The following ADAMTSL1 variants were observed in gnomAD, a reference collection of about 807,000 sequenced individuals.
The protein encoded by ADAMTSL1 is ADAMTS-like protein 1.
ADAMTSL1 carries 126 observed loss-of-function variants against 201.8 expected under a neutral mutation model. That is an observed-to-expected ratio of 0.62 (90% CI 0.54 to 0.72). The LOEUF is 0.72. ADAMTSL1 is among the 30% of genes least tolerant of loss of function. ADAMTSL1 has a pLI of 0.00. For synonymous variants in ADAMTSL1, 1,121 were observed against 903.4 expected (o/e 1.24, Z -4.32); for missense variants, 2,679 against 2,277.8 (o/e 1.18, Z -3.59).
chr9:18,073,534 T>C (rs1276940218), intron 1 of ADAMTSL1, among the ~76,000 whole-genome samples: 1 of 152,090 alleles, frequency 6.6e-6, no homozygotes, highest in African/African-American at 2.4e-5. Context: ...GGCCTTTGGG[T>C]GGGGTCCATT....
intron 1 of ADAMTSL1, among the ~76,000 whole-genome samples, chr9:18,125,639 G>A (rs372301386): frequency 6.6e-6 from 1 of 152,214 alleles, no homozygotes; most frequent in African/African-American, 2.4e-5. Context: ...TCTTTTGCAT[G>A]TGGACCTCTA....
intron 1 of ADAMTSL1, among the ~76,000 whole-genome samples, chr9:18,063,990 T>G (rs1822581315): frequency 6.6e-6 from 1 of 152,020 alleles, no homozygotes; most frequent in African/African-American, 2.4e-5. Context: ...CTCCCTTCTC[T>G]CCCCTCATTC....
intron 21 of ADAMTSL1, among the ~76,000 whole-genome samples, chr9:18,821,928 G>A (rs2131212645): frequency 6.6e-6 from 1 of 152,208 alleles, no homozygotes; most frequent in East Asian, 1.9e-4. Context: ...ACCCTACCTG[G>A]CAGCTCCATG....
rs1395250712 is a variant in ADAMTSL1, at chr9:18,884,271, T to TTTG, written c.4250-3557_4250-3555dup. ...TTGGGCATTTGCCTGAACCGGGTTG[T>TTTG]TTGTTAGTTATCAAATTTTAAGAGT... On this transcript the variant is annotated intron_variant, in intron 23 of 28. Transcript: ENST00000380548. Among the ~76,000 whole-genome samples the TTTG allele has an allele frequency of 2.0e-5, 3 of 152,182 alleles. No individual in the cohort carries two copies. The East Asian group carries it at 5.8e-4, about 29-fold the overall frequency.
In ADAMTSL1 at chr9:18,675,867, A is replaced by G; in HGVS notation, c.1096A>G (p.Lys366Glu). 1.9e-6 allele frequency: 3 copies of G among 1,613,264 alleles called. No individual in the cohort carries two copies. Among genetic ancestry groups the G allele is most frequent in the South Asian group, 1.1e-5 (1 of 91,052 alleles). ...TATTGTTCCTAACAGTGACGGATAC[A>G]AGCAGATCATGCCTTATGACCTCTA... ...LDPCPASDGY[K>E]QIMPYDLYHP... is the part of the protein sequence containing the mutation. The change falls in exon 10 of 29, where the codon AAG becomes GAG. Residue 366 changes from lysine to glutamate, a missense_variant. Transcript: ENST00000380548.
At chr9:18,447,961 A>C (rs1563966736) in intron 2 of ADAMTSL1, among the ~76,000 whole-genome samples, 2 of 152,172 alleles carry the variant, frequency 1.3e-5, no homozygotes, top group Admixed American at 6.5e-5. Context: ...AAGCTTTGAA[A>C]ACTTTGGAAA....
intron 3 of ADAMTSL1, among the ~76,000 whole-genome samples, chr9:18,537,747 A>T (rs1353245153): frequency 6.6e-6 from 1 of 151,808 alleles, no homozygotes; most frequent in African/African-American, 2.4e-5. Flanking sequence ...GCTGGTGTGC[A>T]CCTGTTGTCC....
At chr9:17,992,545 G>A (rs76284893) in intron 1 of ADAMTSL1, among the ~76,000 whole-genome samples, 1,823 of 152,204 alleles carry the variant, frequency 0.012, 46 homozygotes, top group African/African-American at 0.042. Context: ...AGGAGACTGA[G>A]GTCGGGGGAT....
At chr9:18,139,001 A>G (rs760547521) in intron 1 of ADAMTSL1, among the ~76,000 whole-genome samples, 5 of 152,132 alleles carry the variant, frequency 3.3e-5, no homozygotes, top group African/African-American at 9.7e-5. Context: ...GTCTGCCACT[A>G]AGGAACCTTG....
intron 23 of ADAMTSL1, among the ~76,000 whole-genome samples, chr9:18,851,920 G>C (rs372212606): frequency 2.8e-4 from 42 of 152,340 alleles, no homozygotes; most frequent in African/African-American, 8.9e-4. Flanking sequence ...CTGATCACCA[G>C]CTTCAGGTGT....
intron 1 of ADAMTSL1, among the ~76,000 whole-genome samples, chr9:18,087,901 G>C (rs962943513): frequency 1.5e-4 from 23 of 152,046 alleles, no homozygotes; most frequent in African/African-American, 4.8e-4. Flanking sequence ...GCCTATCTCA[G>C]GAATTTCAAT....
At chr9:18,126,030 C>A (rs753350969) in intron 1 of ADAMTSL1, among the ~76,000 whole-genome samples, 1 of 152,162 alleles carries the variant, frequency 6.6e-6, no homozygotes, top group South Asian at 2.1e-4. Context: ...ACGTACCTGC[C>A]ACCAAAACCT....
At chr9:18,101,989 A>T (rs1216329102) in intron 1 of ADAMTSL1, among the ~76,000 whole-genome samples, 1 of 152,204 alleles carries the variant, frequency 6.6e-6, no homozygotes. Context: ...GGGCAAGGAC[A>T]GAAATTTTCA....
chr9:17,994,376 GAC>G (rs1819288911), intron 1 of ADAMTSL1, among the ~76,000 whole-genome samples: 1 of 152,052 alleles, frequency 6.6e-6, no homozygotes, highest in African/African-American at 2.4e-5. Context: ...AGAAAATGCT[GAC>G]AAGAGAGACC....
intron 2 of ADAMTSL1, among the ~76,000 whole-genome samples, chr9:18,360,306 A>C (rs1020275570): frequency 6.6e-6 from 1 of 152,192 alleles, no homozygotes; most frequent in Non-Finnish European, 1.5e-5. Context: ...CTACACAAAA[A>C]CATGTTGAAG....
intron 1 of ADAMTSL1, among the ~76,000 whole-genome samples, chr9:18,127,590 G>A (rs1439312892): frequency 6.6e-6 from 1 of 152,080 alleles, no homozygotes; most frequent in African/African-American, 2.4e-5. Context: ...CTAGCTTGGT[G>A]GGCTTGAAAA....
intron 3 of ADAMTSL1, among the ~76,000 whole-genome samples, chr9:18,538,772 G>T (rs769092392): frequency 6.6e-6 from 1 of 152,068 alleles, no homozygotes; most frequent in Admixed American, 6.6e-5. Context: ...ATTCCCATTT[G>T]GTCTATTTGT....
At chr9:18,387,978 G>A (rs1317563799) in intron 2 of ADAMTSL1, among the ~76,000 whole-genome samples, 2 of 128,794 alleles carry the variant, frequency 1.6e-5, no homozygotes, top group Non-Finnish European at 3.8e-5. Context: ...CAAAATTGCT[G>A]TACCTTTCTG....
chr9:18,824,403 G>A (rs1007549200), intron 21 of ADAMTSL1, among the ~76,000 whole-genome samples: 5 of 152,190 alleles, frequency 3.3e-5, no homozygotes, highest in African/African-American at 9.7e-5. Flanking sequence ...AGCCAGATTA[G>A]CGTGTGCCTC....
Sources: gnomAD v4.1 joint callset for allele counts (sites outside exome capture counted in the v4.1 genomes callset) on GRCh38, gnomAD v4.1.1 for gene constraint, MANE v1.5 for transcripts, NCBI Gene and HGNC (gene_info 2026-07-23, HGNC 2026-07-21) for gene names.